NCMAP: variants seen among roughly 807,000 people sequenced by gnomAD.
NCMAP encodes noncompact myelin-associated protein.
NCMAP carries 8 observed loss-of-function variants against 7.8 expected under a neutral mutation model. That is an observed-to-expected ratio of 1.02 (90% CI 0.60 to 1.84). The LOEUF (loss-of-function observed/expected upper bound fraction) is 1.84, where lower values mean the gene tolerates loss of function less well. Ranked by LOEUF, NCMAP falls within the 40% of genes most tolerant of loss-of-function variation. NCMAP has a pLI of 0.00. For missense variants in NCMAP, 112 were observed against 131.4 expected, an observed-to-expected ratio of 0.85 and a Z score of 0.72; for synonymous variants, 41 against 52.9, an observed-to-expected ratio of 0.78 and a Z score of 0.98.
At chr1:24,575,476 TGGAGG>T (rs1651526769) in intron 1 of NCMAP, among the ~76,000 whole-genome samples, 1 of 152,148 alleles carries the variant, frequency 6.6e-6, no homozygotes, top group South Asian at 2.1e-4. Context: ...ATGAGGCTCC[TGGAGG>T]GTGAATAATT....
At position 24,570,787 on chromosome 1, in the gene NCMAP, GT is replaced by G. The variant is rs1265734690; in HGVS notation, c.-8+14619del. On this transcript the variant is annotated intron_variant, in intron 1 of 3. Coordinates refer to ENST00000374392, the MANE Select transcript of NCMAP (RefSeq NM_001010980.5). ...CACATGGGGGGAAGGTACATGCCAG[GT>G]GCCCTGTGCCCGATCCTTGCTCAGT... 2.6e-5 allele frequency among the ~76,000 whole-genome samples: 4 copies of G among 150,956 alleles called. 1 individual carries two copies. Among genetic ancestry groups the G allele is most frequent in the African/African-American group, 9.9e-5 (4 of 40,230 alleles).
In NCMAP at chr1:24,595,465, T is replaced by C; in HGVS notation, c.35T>C (p.Phe12Ser). 6.2e-7 allele frequency: 1 copy of C among 1,614,082 alleles called. No individual in the cohort carries two copies. The highest frequency in any genetic ancestry group is 2.2e-5 in the East Asian group (1 of 44,886). ...GCCACCCCTCTGGGGGATACCACCTTCTTCTCACTGAACATGACCACCAGG... is the reference window on the plus strand; with the variant it reads ...GCCACCCCTCTGGGGGATACCACCTCCTTCTCACTGAACATGACCACCAGG... The part of the protein sequence containing the change: ...TTATPLGDTT[F>S]FSLNMTTRGE... Residue 12 changes from phenylalanine to serine, a missense_variant, in exon 2 of 4, where the codon TTC becomes TCC. By Grantham distance (155) the Phe-to-Ser change is radical. Coordinates refer to ENST00000374392, the MANE Select transcript of NCMAP (RefSeq NM_001010980.5).
chr1:24,579,197 GTT>G (rs368124293), intron 1 of NCMAP, among the ~76,000 whole-genome samples: 13,128 of 109,036 alleles, frequency 0.12, 632 homozygotes, highest in East Asian at 0.22. Flanking sequence ...TAGGGTGGGG[GTT>G]TTTTTTTTTT....
intron 1 of NCMAP, among the ~76,000 whole-genome samples, chr1:24,581,633 AC>A (rs989633061): frequency 6.6e-6 from 1 of 152,072 alleles, no homozygotes; most frequent in Non-Finnish European, 1.5e-5. Flanking sequence ...CAGCTAACCA[AC>A]CCAGCGCACT....
At chr1:24,578,862 T>C (rs1040063193) in intron 1 of NCMAP, among the ~76,000 whole-genome samples, 17 of 152,116 alleles carry the variant, frequency 1.1e-4, no homozygotes, top group African/African-American at 3.6e-4. Flanking sequence ...CCACTACACC[T>C]GACTGAGAGC....
chr1:24,600,288 C>T (rs993989655), intron 2 of NCMAP, among the ~76,000 whole-genome samples: 1 of 151,796 alleles, frequency 6.6e-6, no homozygotes, highest in East Asian at 1.9e-4. Flanking sequence ...GTAGCTGGCA[C>T]TACAGGTGCA....
chr1:24,604,585 AAAAAAAAAAAAAAAAAAAAAATATATAT>A (rs1652621632), intron 3 of NCMAP, among the ~76,000 whole-genome samples: 1 of 53,442 alleles, frequency 1.9e-5, no homozygotes, highest in African/African-American at 1.2e-4. Context: ...AAAAAAAAAA[AAAAAAAAAAAAAAAAAAAAAATATATAT>A]ATATATATAT....
chr1:24,560,761 C>A (rs1394237194), intron 1 of NCMAP, among the ~76,000 whole-genome samples: 2 of 150,600 alleles, frequency 1.3e-5, no homozygotes, highest in African/African-American at 2.5e-5. Flanking sequence ...AAAAAAAAAG[C>A]AGTTGTGCAA....
chr1:24,568,139 G>A (rs1651283224), intron 1 of NCMAP, among the ~76,000 whole-genome samples: 1 of 151,940 alleles, frequency 6.6e-6, no homozygotes, highest in Non-Finnish European at 1.5e-5. Context: ...CCTTGTCACG[G>A]CCTCCCTCTC....
intron 1 of NCMAP, among the ~76,000 whole-genome samples, chr1:24,557,444 C>T (rs1650930914): frequency 6.6e-6 from 1 of 151,150 alleles, no homozygotes. Context: ...TGGGTGTGTG[C>T]ACGTGTGTGC....
At chr1:24,575,507 T>G (rs6687818) in intron 1 of NCMAP, among the ~76,000 whole-genome samples, 22,818 of 152,018 alleles carry the variant, frequency 0.15, 2,557 homozygotes, top group African/African-American at 0.32. Context: ...ACAACAGTGA[T>G]TTTAAAGGTG....
chr1:24,605,865 T>G lies in NCMAP; in HGVS notation c.*118T>G. Reference sequence around the variant, plus strand: ...TCTTCTGGTCAGGTCGACAGAGACATCTTTGACGCAATCTCTGATGCTTCC... The same window carrying G: ...TCTTCTGGTCAGGTCGACAGAGACAGCTTTGACGCAATCTCTGATGCTTCC... On this transcript the variant is annotated 3_prime_UTR_variant, in exon 4 of 4. Coordinates refer to ENST00000374392, the MANE Select transcript of NCMAP (RefSeq NM_001010980.5). 1 of 1,211,790 alleles carries G rather than the reference T, an allele frequency of 8.3e-7. No individual in the cohort carries two copies. The highest frequency in any genetic ancestry group is 1.2e-6 in the Non-Finnish European group (1 of 864,878). The allele number at this position is 1,211,790 out of a possible 1,614,324, so 75.1% of individuals were successfully genotyped here. A position where few individuals can be genotyped will look rare whatever the true frequency, so the allele number is the denominator to read the frequency against.
At chr1:24,564,327 T>C (rs1257757324) in intron 1 of NCMAP, among the ~76,000 whole-genome samples, 2 of 151,628 alleles carry the variant, frequency 1.3e-5, no homozygotes, top group African/African-American at 2.4e-5. Context: ...CTGGCCAATA[T>C]GGTGAAACCC....
intron 1 of NCMAP, among the ~76,000 whole-genome samples, chr1:24,586,295 C>T (rs1304174674): frequency 5.9e-5 from 9 of 152,144 alleles, no homozygotes. Flanking sequence ...AATGTCTCTC[C>T]TGAGGGTCCA....
At chr1:24,583,655 G>T (rs187066700) in intron 1 of NCMAP, among the ~76,000 whole-genome samples, 116 of 150,158 alleles carry the variant, frequency 7.7e-4, no homozygotes, top group Middle Eastern at 3.4e-3. Context: ...GGTGGAGGTT[G>T]CAGTGAGCTG....
intron 1 of NCMAP, among the ~76,000 whole-genome samples, chr1:24,575,956 C>A (rs1259335217): frequency 6.6e-6 from 1 of 150,890 alleles, no homozygotes; most frequent in Non-Finnish European, 1.5e-5. Flanking sequence ...GAAACTAAGT[C>A]CTGGAGAGGA....
At chr1:24,568,713 C>T (rs1349904790) in intron 1 of NCMAP, among the ~76,000 whole-genome samples, 1 of 152,188 alleles carries the variant, frequency 6.6e-6, no homozygotes, top group African/African-American at 2.4e-5. Flanking sequence ...GTCAGTCTGG[C>T]TCTGACCACT....
In NCMAP at chr1:24,579,562, C is replaced by G. The variant is rs892805644; in HGVS notation, c.-7-15862C>G. On this transcript the variant is annotated intron_variant, in intron 1 of 3. Transcript: ENST00000374392. ...CTAGCCTGTGCAACATAGCAAGACC[C>G]ATCTCTACAAAACTAAAAATTAAAA... Among the ~76,000 whole-genome samples the G allele has an allele frequency of 2.1e-4, 32 of 152,128 alleles. 1 individual carries two copies. Among genetic ancestry groups the G allele is most frequent in the African/African-American group, 7.7e-4 (32 of 41,502 alleles).
At chr1:24,589,718 G>T (rs1651990440) in intron 1 of NCMAP, 1 of 152,498 alleles carries the variant, frequency 6.6e-6, no homozygotes, top group South Asian at 2.1e-4. Context: ...GGACAGGGTG[G>T]TGTGGTAGGA....
Sources: allele counts gnomAD v4.1 joint callset (sites outside exome capture counted in the v4.1 genomes callset), GRCh38; gene constraint gnomAD v4.1.1; transcripts MANE v1.5; gene names NCBI Gene and HGNC (gene_info 2026-07-23, HGNC 2026-07-21).